The following RPTOR variants were observed in gnomAD, a reference collection of about 807,000 sequenced individuals.
The protein encoded by RPTOR is regulatory associated protein of MTOR complex 1, also known as regulatory-associated protein of mTOR.
Under a neutral mutation model 169.9 loss-of-function variants are expected in RPTOR, and 21 were observed. The observed-to-expected ratio is 0.12, with a 90% CI of 0.09 to 0.18. The LOEUF (loss-of-function observed/expected upper bound fraction) is 0.18. Ranked by LOEUF, RPTOR falls within the 10% of genes least tolerant of loss-of-function variation. The pLI is 1.00. For synonymous variants in RPTOR, 732 were observed against 753.2 expected (o/e 0.97, Z 0.46); for missense variants, 1,133 against 1,855.9 (o/e 0.61, Z 7.16).
chr17:80,686,945 A>G (rs961726749), intron 3 of RPTOR, among the ~76,000 whole-genome samples: 5 of 151,590 alleles, frequency 3.3e-5, no homozygotes, highest in East Asian at 3.9e-4. Flanking sequence ...TATTGCATCT[A>G]TCAGTTCCAG....
At chr17:80,962,841 G>C in intron 32 of RPTOR, 87 bp from the exon 33 acceptor site, 1 of 1,579,882 alleles carries the variant, frequency 6.3e-7, no homozygotes, top group South Asian at 1.2e-5. Flanking sequence ...GGTCTAGCCG[G>C]CCTGTCCCCG....
chr17:80,573,719 G>A (rs1380666835), intron 1 of RPTOR, among the ~76,000 whole-genome samples: 6 of 152,202 alleles, frequency 3.9e-5, no homozygotes, highest in African/African-American at 1.4e-4. Context: ...GGGATCGGAT[G>A]CAGTTATGTA....
At chr17:80,614,038 C>G (rs1320600142) in intron 1 of RPTOR, among the ~76,000 whole-genome samples, 1 of 152,190 alleles carries the variant, frequency 6.6e-6, no homozygotes, top group Admixed American at 6.5e-5. Context: ...CCACTGGGGC[C>G]TTTCATTGTC....
chr17:80,582,785 C>T (rs2065025605), intron 1 of RPTOR, among the ~76,000 whole-genome samples: 2 of 151,860 alleles, frequency 1.3e-5, no homozygotes, highest in African/African-American at 4.8e-5. Context: ...ACCTCGTGAT[C>T]CGCCCGCCTC....
chr17:80,556,965 G>A (rs1346769273), intron 1 of RPTOR, among the ~76,000 whole-genome samples: 1 of 151,926 alleles, frequency 6.6e-6, no homozygotes, highest in Non-Finnish European at 1.5e-5. Context: ...GCATGGTGGC[G>A]GGTGCCTGTA....
intron 1 of RPTOR, among the ~76,000 whole-genome samples, chr17:80,604,149 G>T (rs1017719988): frequency 6.6e-6 from 1 of 152,316 alleles, no homozygotes; most frequent in Admixed American, 6.5e-5. Flanking sequence ...ATATTGACAT[G>T]TACATCACCA....
chr17:80,755,738 C>CA (rs77078803), intron 6 of RPTOR, among the ~76,000 whole-genome samples: 33,370 of 79,728 alleles, frequency 0.42, 5,461 homozygotes, highest in East Asian at 0.59. Flanking sequence ...GACCCTGTCT[C>CA]AAAAAAAAAA....
intron 2 of RPTOR, among the ~76,000 whole-genome samples, chr17:80,629,539 CTA>C (rs1227571142): frequency 6.6e-6 from 1 of 151,126 alleles, no homozygotes; most frequent in African/African-American, 2.4e-5. Flanking sequence ...ACTCAGCTCT[CTA>C]TGTATTGTGT....
At chr17:80,839,145 G>A (rs1359152489) in intron 10 of RPTOR, among the ~76,000 whole-genome samples, 3 of 152,230 alleles carry the variant, frequency 2.0e-5, no homozygotes, top group East Asian at 1.9e-4. Context: ...GCCTGCGTGC[G>A]TGCGTGTGTA....
At position 80,883,991 on chromosome 17, in the gene RPTOR, C is replaced by CA. The variant is rs752783788; in HGVS notation, c.1842+20dup. 140 of 1,600,350 alleles carry CA rather than the reference C, an allele frequency of 8.7e-5. No homozygotes were observed. Among genetic ancestry groups the CA allele is most frequent in the Non-Finnish European group, 1.1e-4 (133 of 1,171,874 alleles). On this transcript the variant is annotated intron_variant, in intron 16 of 33. Coordinates refer to ENST00000306801, the MANE Select transcript of RPTOR (RefSeq NM_020761.3). ...TCCCGAGGTGAGTCAGGCGGGGGCT[C>CA]AGAGTCCAGTCCTCCTGGCTGCCGA... is the stretch of plus-strand genomic sequence containing the variant.
rs552951011 is a variant in RPTOR, at chr17:80,936,827, C to T, written c.2920-3669C>T. Among the ~76,000 whole-genome samples the T allele has an allele frequency of 2.1e-4, 32 of 152,326 alleles. No homozygotes were observed. In the East Asian group the frequency reaches 3.9e-3, roughly 18 times the overall value. ...TGTAAATGCCTTGTTGAGGAGTGAA[C>T]GTGCATAGCAAGCTCCGAGCTTCAT... On this transcript the variant is annotated intron_variant, in intron 24 of 33. Transcript: ENST00000306801. This position sits in a 1 kb window ranked among gnomAD's most constrained non-coding sequence, Gnocchi z 4.1.
chr17:80,861,548 C>T lies in RPTOR; in HGVS notation c.1509+3648C>T, dbSNP rs1027322867. Among the ~76,000 whole-genome samples the T allele has an allele frequency of 2.8e-5, 3 of 106,026 alleles. No homozygotes were observed. Among genetic ancestry groups the T allele is most frequent in the African/African-American group, 5.4e-5 (2 of 37,100 alleles). 69.6% of individuals were successfully genotyped at this position (106,026 alleles called of 152,430 possible). A position where few individuals can be genotyped will look rare whatever the true frequency, so the allele number is the denominator to read the frequency against. On this transcript the variant is annotated intron_variant, in intron 13 of 33. Coordinates refer to ENST00000306801, the MANE Select transcript of RPTOR (RefSeq NM_020761.3). This position sits in a 1 kb window ranked among gnomAD's most constrained non-coding sequence, Gnocchi z 4.5. ...GGTTTCTGTCCTACACCCATATCTTCGTCATCTACATGGACACACTTAGAA... is the reference window on the plus strand; with the variant it reads ...GGTTTCTGTCCTACACCCATATCTTTGTCATCTACATGGACACACTTAGAA...
chr17:80,640,804 C>G (rs1028872716), intron 2 of RPTOR, among the ~76,000 whole-genome samples: 1 of 152,064 alleles, frequency 6.6e-6, no homozygotes, highest in African/African-American at 2.4e-5. Flanking sequence ...GAACTCCCTC[C>G]CTTCTTCCTC....
At position 80,730,099 on chromosome 17, in the gene RPTOR, A is replaced by G. The variant is rs9896771; in HGVS notation, c.508-461A>G. On this transcript the variant is annotated intron_variant, in intron 4 of 33. Coordinates refer to ENST00000306801, the MANE Select transcript of RPTOR (RefSeq NM_020761.3). The surrounding 1 kb of genome is among the most constrained non-coding windows in gnomAD (Gnocchi z 4.2). ...GCAGCATCAGAGGAGATGTGGAGAAATTCAGTTTGATGGTTTTTGTTTTTT... is the reference window on the plus strand; with the variant it reads ...GCAGCATCAGAGGAGATGTGGAGAAGTTCAGTTTGATGGTTTTTGTTTTTT... Among the ~76,000 whole-genome samples, 112,255 of 152,144 alleles carry G rather than the reference A, an allele frequency of 0.74. 42,709 individuals are homozygous for G. The highest frequency in any genetic ancestry group is 0.91 in the African/African-American group (37,683 of 41,524).
chr17:80,909,225 C>G (rs2068582634), intron 21 of RPTOR, among the ~76,000 whole-genome samples: 1 of 62,752 alleles, frequency 1.6e-5, no homozygotes, highest in Non-Finnish European at 3.8e-5. Flanking sequence ...GCTGGCCCTT[C>G]TTCCATTTTT....
intron 1 of RPTOR, among the ~76,000 whole-genome samples, chr17:80,560,703 C>T (rs1023877604): frequency 1.3e-5 from 2 of 152,142 alleles, no homozygotes; most frequent in East Asian, 3.9e-4. Context: ...CTGTGGGAGC[C>T]GCCTCATGCC....
intron 3 of RPTOR, among the ~76,000 whole-genome samples, chr17:80,689,370 G>A (rs1305603428): frequency 1.3e-5 from 2 of 152,224 alleles, no homozygotes; most frequent in Non-Finnish European, 2.9e-5. Flanking sequence ...CAGGGGCGGA[G>A]GACGCCACCT....
In RPTOR at chr17:80,957,662, C is replaced by T; in HGVS notation, c.3409C>T (p.Leu1137Phe). The stretch of plus-strand genomic sequence containing the variant: ...GGTGGACTGGGAGCAGGAGACCGGC[C>T]TCCTCATGAGCTCAGGAGACGTGCG... ...MVVDWEQETGLLMSSGDVRIV... is the reference protein window; with the variant it reads ...MVVDWEQETGFLMSSGDVRIV... The change falls in exon 29 of 34, where the codon CTC becomes TTC. Residue 1137 changes from leucine to phenylalanine, a missense_variant. By Grantham distance (22) the Leu-to-Phe change is conservative (BLOSUM62 0). Coordinates refer to ENST00000306801, the MANE Select transcript of RPTOR (RefSeq NM_020761.3). The surrounding 1 kb of genome is among the most constrained non-coding windows in gnomAD (Gnocchi z 4.6). 6.2e-7 allele frequency: 1 copy of T among 1,614,174 alleles called. No homozygotes were observed. The highest frequency in any genetic ancestry group is 8.5e-7 in the Non-Finnish European group (1 of 1,180,032).
At chr17:80,841,955 C>T (rs1189669759) in intron 10 of RPTOR, among the ~76,000 whole-genome samples, 1 of 148,830 alleles carries the variant, frequency 6.7e-6, no homozygotes, top group African/African-American at 2.5e-5. Flanking sequence ...TCACACTCAC[C>T]GCACGGCAGC....
Sources: allele counts gnomAD v4.1 joint callset (sites outside exome capture counted in the v4.1 genomes callset), GRCh38; gene constraint gnomAD v4.1.1; non-coding constraint Gnocchi (gnomAD v3.1); transcripts MANE v1.5; gene names NCBI Gene and HGNC (gene_info 2026-07-23, HGNC 2026-07-21).